KCNMB2: variants seen among roughly 807,000 people sequenced by gnomAD.
KCNMB2 encodes calcium-activated potassium channel subunit beta-2.
KCNMB2 carries 9 observed loss-of-function variants against 24.5 expected under a neutral mutation model. The observed-to-expected ratio is 0.37, with a 90% CI of 0.22 to 0.64. The LOEUF (loss-of-function observed/expected upper bound fraction) is 0.64. KCNMB2 is among the 30% of genes least tolerant of loss of function. The probability of loss-of-function intolerance (pLI) is 0.63; values close to 1 mark genes in which losing one functional copy is unlikely to be tolerated. For missense variants in KCNMB2, 226 were observed against 284.3 expected, an observed-to-expected ratio of 0.79 and a Z score of 1.47; for synonymous variants, 109 against 104.4, an observed-to-expected ratio of 1.04 and a Z score of -0.27.
Position 178,825,719 on chromosome 3 carries a change from T to A in KCNMB2, c.188T>A (p.Phe63Tyr). The A allele has an allele frequency of 6.2e-7, 1 of 1,613,850 alleles. No individual in the cohort carries two copies. Among genetic ancestry groups the A allele is most frequent in the African/African-American group, 1.3e-5 (1 of 75,008 alleles). ...ATGGTGTGCTCCATCATGATGTATT[T>A]TCTGCTGGGAATCACACTCCTGCGC... ...AMMVCSIMMY[F>Y]LLGITLLRSY... Residue 63 changes from phenylalanine to tyrosine, a missense_variant, in exon 3 of 5, where the codon TTT (phenylalanine) becomes TAT (tyrosine). Transcript: ENST00000452583.
intron 1 of KCNMB2, among the ~76,000 whole-genome samples, chr3:178,682,650 TA>T (rs1363875299): frequency 1.3e-5 from 2 of 151,902 alleles, no homozygotes; most frequent in Non-Finnish European, 2.9e-5. Flanking sequence ...TAATTTTCTA[TA>T]AGAAACTTAA....
intron 2 of KCNMB2, among the ~76,000 whole-genome samples, chr3:178,822,726 C>T (rs140116533): frequency 1.2e-3 from 187 of 152,358 alleles, no homozygotes; most frequent in Non-Finnish European, 2.2e-3. Flanking sequence ...CCTCTCTATA[C>T]ATTCCAGAGC....
intron 1 of KCNMB2, among the ~76,000 whole-genome samples, chr3:178,786,728 A>C (rs1353954238): frequency 6.6e-6 from 1 of 152,184 alleles, no homozygotes; most frequent in South Asian, 2.1e-4. Flanking sequence ...CCTAAAACTT[A>C]AAGTATAATA....
chr3:178,822,631 A>G lies in KCNMB2; in HGVS notation c.57-2957A>G, dbSNP rs565448317. ...CTAATGAATTCCATGGGTATGGCCCACTCCACTCACCCACTTTCATTTTGC... is the reference window on the plus strand; with the variant it reads ...CTAATGAATTCCATGGGTATGGCCCGCTCCACTCACCCACTTTCATTTTGC... On this transcript the variant is annotated intron_variant, in intron 2 of 4. Transcript: ENST00000452583. Among the ~76,000 whole-genome samples the G allele has an allele frequency of 6.6e-5, 10 of 152,254 alleles. No individual in the cohort carries two copies. The East Asian group carries it at 1.9e-3, about 29-fold the overall frequency.
chr3:178,756,681 T>C (rs1724054549), intron 1 of KCNMB2, among the ~76,000 whole-genome samples: 2 of 152,104 alleles, frequency 1.3e-5, no homozygotes, highest in Non-Finnish European at 2.9e-5. Context: ...CTCCCTTCCA[T>C]AGCTTTATCA....
chr3:178,679,486 A>C (rs1470736681), intron 1 of KCNMB2, among the ~76,000 whole-genome samples: 1 of 152,234 alleles, frequency 6.6e-6, no homozygotes, highest in East Asian at 1.9e-4. Flanking sequence ...TCATACATCC[A>C]AGTTTTCCTC....
At chr3:178,593,652 C>T (rs901565222) in intron 1 of KCNMB2, among the ~76,000 whole-genome samples, 11 of 151,482 alleles carry the variant, frequency 7.3e-5, no homozygotes, top group African/African-American at 2.4e-4. Context: ...ATGGCATGTT[C>T]CACTTCCTGG....
chr3:178,670,463 C>G (rs187245321), intron 1 of KCNMB2, among the ~76,000 whole-genome samples: 3 of 152,266 alleles, frequency 2.0e-5, no homozygotes, highest in African/African-American at 7.2e-5. Flanking sequence ...ATTAACACTT[C>G]TAGTGTTACG....
intron 2 of KCNMB2, among the ~76,000 whole-genome samples, chr3:178,813,846 T>A (rs1463917310): frequency 6.6e-6 from 1 of 152,252 alleles, no homozygotes; most frequent in African/African-American, 2.4e-5. Context: ...ATAATTACAT[T>A]TTCATATGTG....
intron 1 of KCNMB2, among the ~76,000 whole-genome samples, chr3:178,664,456 C>T (rs1720646329): frequency 6.6e-6 from 1 of 152,036 alleles, no homozygotes; most frequent in South Asian, 2.1e-4. Flanking sequence ...ATGCACTCCT[C>T]TTTGCTACAC....
At chr3:178,817,849 G>C (rs9858217) in intron 2 of KCNMB2, among the ~76,000 whole-genome samples, 10,964 of 152,174 alleles carry the variant, frequency 0.072, 492 homozygotes, top group African/African-American at 0.12. Context: ...GTTGTAGCCA[G>C]TCTAGTCCAA....
At chr3:178,771,657 T>A (rs1196011223) in intron 1 of KCNMB2, among the ~76,000 whole-genome samples, 2 of 151,816 alleles carry the variant, frequency 1.3e-5, no homozygotes, top group Non-Finnish European at 2.9e-5. Flanking sequence ...CTCTACTAAC[T>A]TTCTAATGCA....
At chr3:178,759,181 ATATC>A (rs1440573662) in intron 1 of KCNMB2, among the ~76,000 whole-genome samples, 1 of 109,894 alleles carries the variant, frequency 9.1e-6, no homozygotes, top group Non-Finnish European at 1.8e-5. Context: ...ACATATATAT[ATATC>A]TATCTCCAAG....
At chr3:178,602,071 TAAG>T (rs1176731704) in intron 1 of KCNMB2, among the ~76,000 whole-genome samples, 1 of 152,114 alleles carries the variant, frequency 6.6e-6, no homozygotes, top group Non-Finnish European at 1.5e-5. Context: ...GAGAGAGGTA[TAAG>T]AAGGATAGAT....
At chr3:178,666,338 A>C (rs1720717604) in intron 1 of KCNMB2, among the ~76,000 whole-genome samples, 1 of 152,154 alleles carries the variant, frequency 6.6e-6, no homozygotes, top group African/African-American at 2.4e-5. Flanking sequence ...AGTGATAAGC[A>C]TGTAAAAAAT....
chr3:178,583,970 G>T (rs912541114), intron 1 of KCNMB2, among the ~76,000 whole-genome samples: 6 of 152,136 alleles, frequency 3.9e-5, no homozygotes, highest in African/African-American at 1.4e-4. Context: ...TATCTTCCCT[G>T]GTTAGGAAAA....
chr3:178,774,585 G>A (rs1712505179), intron 1 of KCNMB2, among the ~76,000 whole-genome samples: 3 of 152,166 alleles, frequency 2.0e-5, no homozygotes, highest in Admixed American at 2.0e-4. Flanking sequence ...TATTCCAGAA[G>A]AGTTGTGGAC....
At chr3:178,644,986 T>C (rs962847059) in intron 1 of KCNMB2, among the ~76,000 whole-genome samples, 2 of 152,166 alleles carry the variant, frequency 1.3e-5, no homozygotes, top group African/African-American at 2.4e-5. Flanking sequence ...GGTACTTGTT[T>C]TTTAAAACGT....
chr3:178,761,870 A>C (rs1359378244), intron 1 of KCNMB2, among the ~76,000 whole-genome samples: 3 of 152,126 alleles, frequency 2.0e-5, no homozygotes, highest in Non-Finnish European at 2.9e-5. Context: ...ATGAAGAAAA[A>C]ATTTTAAGAA....
Sources: gnomAD v4.1 joint callset for allele counts (sites outside exome capture counted in the v4.1 genomes callset) on GRCh38, gnomAD v4.1.1 for gene constraint, MANE v1.5 for transcripts, NCBI Gene and HGNC (gene_info 2026-07-23, HGNC 2026-07-21) for gene names.